The following PACRG variants were observed in gnomAD, a reference collection of about 807,000 sequenced individuals.
PACRG encodes parkin coregulated.
A neutral mutation model predicts 29.7 loss-of-function variants in PACRG; 29 were observed. That is an observed-to-expected ratio of 0.98 (90% CI 0.73 to 1.33). The LOEUF is 1.33. Among genes scored for constraint, PACRG ranks in the 40% most tolerant of loss-of-function variants. The pLI is 0.00. For synonymous variants in PACRG, 116 were observed against 118.7 expected, an observed-to-expected ratio of 0.98 and a Z score of 0.15; for missense variants, 279 against 316.2, an observed-to-expected ratio of 0.88 and a Z score of 0.89.
chr6:163,074,822 CTTAGAA>C (rs1812394553), intron 3 of PACRG, among the ~76,000 whole-genome samples: 1 of 151,960 alleles, frequency 6.6e-6, no homozygotes, highest in Admixed American at 6.6e-5. Context: ...ATTTGGTAAA[CTTAGAA>C]TTAAAAAAAT....
intron 4 of PACRG, among the ~76,000 whole-genome samples, chr6:163,153,802 C>A (rs192777382): frequency 6.6e-6 from 1 of 152,268 alleles, no homozygotes; most frequent in Admixed American, 6.5e-5. Flanking sequence ...CAAAGAACAG[C>A]CAACTATTTT....
At chr6:163,309,621 T>C (rs1785330584) in intron 4 of PACRG, among the ~76,000 whole-genome samples, 1 of 152,218 alleles carries the variant, frequency 6.6e-6, no homozygotes, top group Non-Finnish European at 1.5e-5. Context: ...TCTTAACCAT[T>C]TCCTGATTCA....
chr6:163,187,079 C>T (rs1779975359), intron 4 of PACRG, among the ~76,000 whole-genome samples: 1 of 152,228 alleles, frequency 6.6e-6, no homozygotes, highest in African/African-American at 2.4e-5. Context: ...CATCCGTTTC[C>T]CTTCCCTATC....
intron 1 of PACRG, among the ~76,000 whole-genome samples, chr6:162,747,629 T>C (rs1444640953): frequency 1.3e-5 from 2 of 150,604 alleles, no homozygotes; most frequent in African/African-American, 2.4e-5. Context: ...AACACCAAGT[T>C]TACCCAGAGC....
chr6:163,185,070 A>G (rs1361090419), intron 4 of PACRG, among the ~76,000 whole-genome samples: 6 of 152,186 alleles, frequency 3.9e-5, no homozygotes, highest in African/African-American at 1.4e-4. Flanking sequence ...CCAAAAAGTA[A>G]TTAATTTAGC....
intron 4 of PACRG, among the ~76,000 whole-genome samples, chr6:163,234,011 AAG>A (rs1478332115): frequency 6.6e-6 from 1 of 152,198 alleles, no homozygotes; most frequent in Non-Finnish European, 1.5e-5. Context: ...TCAGCCATTT[AAG>A]AGTGTTCAGG....
chr6:163,201,320 A>C (rs928758259), intron 4 of PACRG, among the ~76,000 whole-genome samples: 2 of 152,228 alleles, frequency 1.3e-5, no homozygotes, highest in African/African-American at 4.8e-5. Flanking sequence ...GGAAGACTAC[A>C]ACATTTATCA....
chr6:163,079,099 C>T (rs1485761171), intron 3 of PACRG, among the ~76,000 whole-genome samples: 1 of 152,058 alleles, frequency 6.6e-6, no homozygotes, highest in Non-Finnish European at 1.5e-5. Flanking sequence ...AAACTGATTG[C>T]CCAGAGACAC....
chr6:162,958,735 C>CGTGTGTGTGT (rs139595345), intron 2 of PACRG, among the ~76,000 whole-genome samples: 23 of 144,812 alleles, frequency 1.6e-4, no homozygotes, highest in African/African-American at 5.7e-4. Context: ...TACACATATG[C>CGTGTGTGTGT]GTGTGTGTGT....
intron 2 of PACRG, among the ~76,000 whole-genome samples, chr6:162,970,809 A>G (rs564640032): frequency 6.7e-6 from 1 of 148,432 alleles, no homozygotes; most frequent in Admixed American, 6.8e-5. Flanking sequence ...GGTAAAAATT[A>G]CAACATAAAG....
intron 2 of PACRG, among the ~76,000 whole-genome samples, chr6:162,964,161 G>A (rs1286027085): frequency 6.6e-6 from 1 of 152,160 alleles, no homozygotes; most frequent in Non-Finnish European, 1.5e-5. Flanking sequence ...AATCCTGAAT[G>A]TAGAGTCAGC....
chr6:163,115,113 A>G (rs1339818402), intron 4 of PACRG, among the ~76,000 whole-genome samples: 1 of 152,220 alleles, frequency 6.6e-6, no homozygotes, highest in African/African-American at 2.4e-5. Context: ...TAGTTAGCCA[A>G]CTAAATCTCT....
At chr6:163,121,839 T>A (rs1347188413) in intron 4 of PACRG, among the ~76,000 whole-genome samples, 1 of 151,992 alleles carries the variant, frequency 6.6e-6, no homozygotes, top group Non-Finnish European at 1.5e-5. Flanking sequence ...ATTTTTTGTA[T>A]TTTTAGTAGA....
rs556522216 is a variant in PACRG, at chr6:163,291,436, T to A, written c.614-23391T>A. Among the ~76,000 whole-genome samples, 6 of 148,188 alleles carry A rather than the reference T, an allele frequency of 4.0e-5. No homozygotes were observed. The East Asian group carries it at 1.0e-3, about 25-fold the overall frequency. On this transcript the variant is annotated intron_variant, in intron 4 of 4. Coordinates refer to ENST00000366888, the MANE Select transcript of PACRG (RefSeq NM_001080379.2). ...GCCCGAGCTGGCCTGCGGGTCACCCTGCAAGATGACCCCTCTGCCCGCCCG... is the reference window on the plus strand; with the variant it reads ...GCCCGAGCTGGCCTGCGGGTCACCCAGCAAGATGACCCCTCTGCCCGCCCG...
At position 163,283,726 on chromosome 6, in the gene PACRG, G is replaced by A. The variant is rs558705136; in HGVS notation, c.614-31101G>A. ...TGAGGCAGGAGAATGGCGTGAACCC[G>A]GGAAGCGGAGCTTGCAGTGAGCCGA... On this transcript the variant is annotated intron_variant, in intron 4 of 4. Coordinates refer to ENST00000366888, the MANE Select transcript of PACRG (RefSeq NM_001080379.2). 8.6e-5 allele frequency among the ~76,000 whole-genome samples: 13 copies of A among 150,422 alleles called. No homozygotes were observed. In the East Asian group the frequency reaches 9.8e-4, roughly 11 times the overall value.
At chr6:163,245,981 C>T (rs1782681809) in intron 4 of PACRG, among the ~76,000 whole-genome samples, 1 of 152,146 alleles carries the variant, frequency 6.6e-6, no homozygotes, top group African/African-American at 2.4e-5. Context: ...TCTGCTCACC[C>T]CTCAGCGCCT....
chr6:163,179,308 A>G, intron 4 of PACRG: 1 of 453,138 alleles, frequency 2.2e-6, no homozygotes, highest in South Asian at 1.6e-5. Context: ...CCACACCTGC[A>G]CCTTGCTGAG....
intron 2 of PACRG, among the ~76,000 whole-genome samples, chr6:162,920,817 G>T (rs940399902): frequency 2.6e-5 from 4 of 152,106 alleles, no homozygotes; most frequent in African/African-American, 9.7e-5. Flanking sequence ...ACAGAAGGTA[G>T]AGTTCATTAG....
chr6:162,883,363 T>C (rs1794063926), intron 2 of PACRG, among the ~76,000 whole-genome samples: 2 of 152,232 alleles, frequency 1.3e-5, no homozygotes. Flanking sequence ...ATTTTTAAAG[T>C]GTGATTTCAC....
Sources: allele counts gnomAD v4.1 joint callset (sites outside exome capture counted in the v4.1 genomes callset), GRCh38; gene constraint gnomAD v4.1.1; transcripts MANE v1.5; gene names NCBI Gene and HGNC (gene_info 2026-07-23, HGNC 2026-07-21).